MANBA: variants seen among roughly 807,000 people sequenced by gnomAD.
MANBA encodes mannosidase beta, also known as beta-mannosidase.
In MANBA, 83 loss-of-function variants were observed where a neutral mutation model predicts 111.1. The ratio of observed to expected loss-of-function variants is 0.75; its 90% confidence interval spans 0.63 to 0.90. The LOEUF is 0.90. Ranked by LOEUF, MANBA falls within the 40% of genes least tolerant of loss-of-function variation. The pLI is 0.00. For missense variants in MANBA, 1,036 were observed against 1,069.0 expected (o/e 0.97, Z 0.43); for synonymous variants, 370 against 378.7 (o/e 0.98, Z 0.27).
chr4:102,686,252 C>A (rs573293674), intron 7 of MANBA, among the ~76,000 whole-genome samples: 2 of 152,248 alleles, frequency 1.3e-5, no homozygotes, highest in Admixed American at 1.3e-4. Context: ...ACATTTATTT[C>A]TCTGTCTACA....
rs1440336246 is a variant in MANBA, at chr4:102,632,203, C to T, written c.2494G>A (p.Val832Ile). 3.7e-6 allele frequency: 6 copies of T among 1,613,412 alleles called. No homozygotes were observed. The highest frequency in any genetic ancestry group is 4.2e-6 in the Non-Finnish European group (5 of 1,179,560). ...CTAAATCTCCCTGGGATGCTTCCTA[C>T]ATCCAACCAAACAAAGGGAGCGACA... ...SAVAPFVWLD[V>I]GSIPGRFSDN... is the part of the protein sequence containing the mutation. Residue 832 changes from valine (V) to isoleucine (I), a missense_variant, in exon 17 of 17, where the codon GTA becomes ATA. Coordinates refer to ENST00000647097, the MANE Select transcript of MANBA (RefSeq NM_005908.4).
intron 7 of MANBA, among the ~76,000 whole-genome samples, chr4:102,679,458 G>T (rs544181903): frequency 5.3e-5 from 8 of 151,866 alleles, no homozygotes; most frequent in African/African-American, 1.9e-4. Context: ...TTTTAAAAAA[G>T]TAAAACAAAT....
At chr4:102,751,899 A>G in intron 1 of MANBA, 1 of 609,248 alleles carries the variant, frequency 1.6e-6, no homozygotes, top group Non-Finnish European at 3.2e-6. Context: ...GGATCCAACT[A>G]TTCTCTTATG....
At chr4:102,693,820 C>T (rs994481840) in intron 5 of MANBA, among the ~76,000 whole-genome samples, 1 of 151,676 alleles carries the variant, frequency 6.6e-6, no homozygotes, top group East Asian at 1.9e-4. Context: ...GCCATTCCAA[C>T]CTTTCTTTAA....
At position 102,671,413 on chromosome 4, in the gene MANBA, T is replaced by C. The variant is rs776488332; in HGVS notation, c.1113-15A>G. On this transcript the variant is annotated splice_polypyrimidine_tract_variant and intron_variant, in intron 8 of 16. Transcript: ENST00000647097. The stretch of plus-strand genomic sequence containing the variant: ...GGAGCCGTAACCTGTAGAAGACATT[T>C]TAGAAACAAATCATAATTTGGAAAA... The C allele has an allele frequency of 1.3e-5, 19 of 1,459,256 alleles. No individual in the cohort carries two copies. The highest frequency in any genetic ancestry group is 1.8e-5 in the Non-Finnish European group (19 of 1,039,362). The allele number at this position is 1,459,256 out of a possible 1,614,324, so 90.4% of individuals were successfully genotyped here. A position where few individuals can be genotyped will look rare whatever the true frequency, so the allele number is the denominator to read the frequency against.
At chr4:102,671,918 C>T in intron 8 of MANBA, 1 of 413,900 alleles carries the variant, frequency 2.4e-6, no homozygotes, top group Middle Eastern at 6.2e-4. Context: ...ATGTACCTTC[C>T]CTCCATTCCC....
chr4:102,669,085 A>C (rs1293038632), intron 9 of MANBA, 36 bp from the exon 10 acceptor site: 2 of 1,439,694 alleles, frequency 1.4e-6, no homozygotes, highest in African/African-American at 1.4e-5. Flanking sequence ...CAACACTTCC[A>C]TAAGTTTTAT....
chr4:102,650,636 A>T lies in MANBA; in HGVS notation c.1770T>A (p.Gly590=). The change falls in exon 13 of 17, where the codon GGT becomes GGA. Residue 590 remains glycine (G), a synonymous_variant. Transcript: ENST00000647097. ...KFSLHRQHHE[G]GNKQMLYQAG... ...CCTGATAAAGCATTTGTTTGTTACC[A>T]CCTTCGTGATGTTGTCGATGAAGTG... 6.2e-7 allele frequency: 1 copy of T among 1,613,464 alleles called. No homozygotes were observed. Among genetic ancestry groups the T allele is most frequent in the Non-Finnish European group, 8.5e-7 (1 of 1,179,460 alleles).
chr4:102,720,116 T>G (rs546899782), intron 4 of MANBA, among the ~76,000 whole-genome samples: 1 of 152,324 alleles, frequency 6.6e-6, no homozygotes, highest in African/African-American at 2.4e-5. Context: ...GGATCCAGGA[T>G]AGTTTCAGTT....
intron 5 of MANBA, among the ~76,000 whole-genome samples, chr4:102,704,712 A>G (rs1026390365): frequency 6.6e-6 from 1 of 152,004 alleles, no homozygotes; most frequent in Non-Finnish European, 1.5e-5. Context: ...ATCAGTGATA[A>G]CTGCTGTCTT....
chr4:102,683,406 C>T (rs890344108), intron 7 of MANBA, among the ~76,000 whole-genome samples: 2 of 152,128 alleles, frequency 1.3e-5, no homozygotes, highest in African/African-American at 2.4e-5. Flanking sequence ...CAAAACGATA[C>T]CTTATACATA....
At chr4:102,703,582 G>A (rs1264065454) in intron 5 of MANBA, among the ~76,000 whole-genome samples, 1 of 152,138 alleles carries the variant, frequency 6.6e-6, no homozygotes, top group African/African-American at 2.4e-5. Flanking sequence ...CATCACTATT[G>A]TAAAACCTAG....
intron 1 of MANBA, among the ~76,000 whole-genome samples, chr4:102,758,225 A>G (rs1431271093): frequency 1.3e-5 from 2 of 152,154 alleles, no homozygotes. Flanking sequence ...TATCTCCTCC[A>G]TTAGAATGTC....
intron 1 of MANBA, among the ~76,000 whole-genome samples, chr4:102,733,319 T>A (rs532252715): frequency 6.6e-6 from 1 of 151,868 alleles, no homozygotes; most frequent in African/African-American, 2.4e-5. Flanking sequence ...TTGAGATTCC[T>A]GTTCACCTGA....
In MANBA at chr4:102,669,003, T is replaced by G; in HGVS notation, c.1277A>C (p.Gln426Pro). 1.2e-6 allele frequency: 2 copies of G among 1,613,852 alleles called. No homozygotes were observed. Among genetic ancestry groups the G allele is most frequent in the Non-Finnish European group, 1.7e-6 (2 of 1,179,870 alleles). The part of the protein sequence containing the change: ...MFACALYPTD[Q>P]GFLDSVTAEV... ...TGCTGTCACTGAATCCAGGAAGCCC[T>G]GATCAGTTGGATAAAGGGCACAGGC... Residue 426 changes from glutamine (Q) to proline (P), a missense_variant, in exon 10 of 17, where the codon CAG becomes CCG. Gln to Pro is a moderately conservative substitution (Grantham distance 76). Transcript: ENST00000647097.
chr4:102,640,615 T>C (rs966174145), intron 13 of MANBA, among the ~76,000 whole-genome samples: 5 of 152,144 alleles, frequency 3.3e-5, no homozygotes, highest in African/African-American at 9.7e-5. Context: ...GGCTCATGAA[T>C]GGACCACTGA....
chr4:102,705,717 C>T (rs1406645764), intron 5 of MANBA, among the ~76,000 whole-genome samples: 1 of 152,182 alleles, frequency 6.6e-6, no homozygotes, highest in Non-Finnish European at 1.5e-5. Flanking sequence ...CTGCCTACCA[C>T]AGCCAGCTCC....
intron 11 of MANBA, among the ~76,000 whole-genome samples, chr4:102,663,549 A>G (rs1295626378): frequency 3.3e-5 from 5 of 152,238 alleles, no homozygotes; most frequent in Non-Finnish European, 1.5e-5. Flanking sequence ...CACATGTCTT[A>G]GTATATCAGG....
At chr4:102,671,921 C>T in intron 8 of MANBA, 1 of 413,876 alleles carries the variant, frequency 2.4e-6, no homozygotes, top group Non-Finnish European at 4.2e-6. Flanking sequence ...TACCTTCCCT[C>T]CATTCCCAGA....
Sources: allele counts gnomAD v4.1 joint callset (sites outside exome capture counted in the v4.1 genomes callset), GRCh38; gene constraint gnomAD v4.1.1; transcripts MANE v1.5; gene names NCBI Gene and HGNC (gene_info 2026-07-23, HGNC 2026-07-21).